APBB2: variants seen among roughly 807,000 people sequenced by gnomAD.
The protein encoded by APBB2 is amyloid beta precursor protein binding family B member 2.
In APBB2, 38 loss-of-function variants were observed where a neutral mutation model predicts 82.5. The observed-to-expected ratio is 0.46, with a 90% CI of 0.36 to 0.60. The LOEUF (loss-of-function observed/expected upper bound fraction) is 0.60, where lower values mean the gene tolerates loss of function less well. Ranked by LOEUF, APBB2 falls within the 20% of genes least tolerant of loss-of-function variation. The probability of loss-of-function intolerance (pLI) is 0.00; values close to 1 mark genes in which losing one functional copy is unlikely to be tolerated. For missense variants in APBB2, 772 were observed against 972.3 expected (o/e 0.79, Z 2.74); for synonymous variants, 341 against 368.2 (o/e 0.93, Z 0.85).
chr4:41,017,937 A>C (rs1292867598), intron 5 of APBB2, among the ~76,000 whole-genome samples: 1 of 152,254 alleles, frequency 6.6e-6, no homozygotes, highest in Non-Finnish European at 1.5e-5. Context: ...TCTAATATTT[A>C]ACTGTTTTCT....
chr4:41,147,122 G>T (rs1042358820), intron 1 of APBB2, among the ~76,000 whole-genome samples: 1 of 152,174 alleles, frequency 6.6e-6, no homozygotes, highest in Admixed American at 6.5e-5. Flanking sequence ...CAGGCAAACG[G>T]AATCAGGGTC....
In APBB2 at chr4:41,092,318, T is replaced by C. The variant is rs1742011269; in HGVS notation, c.-149+8321A>G. Among the ~76,000 whole-genome samples the C allele has an allele frequency of 2.6e-5, 4 of 152,254 alleles. 1 individual carries two copies. Among genetic ancestry groups the C allele is most frequent in the Admixed American group, 2.6e-4 (4 of 15,290 alleles). ...CAGCTTACAGCAGACTGAAGCTTTC[T>C]TGCAGGAATCACATAATGGGTGGAG... On this transcript the variant is annotated intron_variant, in intron 3 of 17. Coordinates refer to ENST00000508593, the MANE Select transcript of APBB2 (RefSeq NM_004307.2).
chr4:41,111,145 G>T (rs1749063906), intron 2 of APBB2, among the ~76,000 whole-genome samples: 1 of 152,178 alleles, frequency 6.6e-6, no homozygotes, highest in African/African-American at 2.4e-5. Flanking sequence ...TCTGACAGGA[G>T]GCGGAGCTCA....
intron 17 of APBB2, among the ~76,000 whole-genome samples, chr4:40,820,997 T>C (rs150846907): frequency 8.6e-5 from 13 of 152,008 alleles, no homozygotes; most frequent in African/African-American, 2.4e-4. Flanking sequence ...GCCTCCCGAG[T>C]AGCTGGGATT....
intron 6 of APBB2, among the ~76,000 whole-genome samples, chr4:40,957,292 T>C (rs1791891612): frequency 6.6e-6 from 1 of 152,182 alleles, no homozygotes; most frequent in Admixed American, 6.6e-5. Flanking sequence ...AAAAATATGA[T>C]TTCTGAGAGT....
At chr4:41,151,377 T>C (rs893329872) in intron 1 of APBB2, among the ~76,000 whole-genome samples, 1 of 152,200 alleles carries the variant, frequency 6.6e-6, no homozygotes, top group Non-Finnish European at 1.5e-5. Context: ...ACACGTGCCT[T>C]GAAATGCAGC....
At position 40,813,347 on chromosome 4, in the gene APBB2, T is replaced by C. The variant is rs1030756078; in HGVS notation, c.*2745A>G. The C allele has an allele frequency of 1.3e-5, 2 of 152,218 alleles. No individual in the cohort carries two copies. The highest frequency in any genetic ancestry group is 2.1e-4 in the South Asian group (1 of 4,832). The allele number at this position is 152,218 out of a possible 1,614,324, so 9.4% of individuals were successfully genotyped here. A position where few individuals can be genotyped will look rare whatever the true frequency, so the allele number is the denominator to read the frequency against. ...GTATTTAACAGGTTAATTAAAAATA[T>C]GGTAAGACATAGAAGGCATCGTGAA... On this transcript the variant is annotated 3_prime_UTR_variant, in exon 18 of 18. Coordinates refer to ENST00000508593, the MANE Select transcript of APBB2 (RefSeq NM_004307.2).
At chr4:41,181,960 A>G (rs1334932089) in intron 1 of APBB2, among the ~76,000 whole-genome samples, 2 of 145,604 alleles carry the variant, frequency 1.4e-5, no homozygotes, top group African/African-American at 5.2e-5. Flanking sequence ...AAAAAAAAAA[A>G]AGAAAAAGAA....
intron 10 of APBB2, among the ~76,000 whole-genome samples, chr4:40,918,150 T>C (rs1317763351): frequency 6.6e-6 from 1 of 152,244 alleles, no homozygotes; most frequent in Non-Finnish European, 1.5e-5. Flanking sequence ...ATCCCAGTGC[T>C]GGCCAAACCA....
intron 4 of APBB2, among the ~76,000 whole-genome samples, chr4:41,041,743 T>C (rs1010018447): frequency 3.9e-5 from 6 of 152,160 alleles, no homozygotes; most frequent in African/African-American, 1.4e-4. Flanking sequence ...GTTCTCCAAG[T>C]GAGATTTCAA....
chr4:40,890,161 T>G, intron 12 of APBB2: 1 of 626,782 alleles, frequency 1.6e-6, no homozygotes, highest in Non-Finnish European at 2.5e-6. Context: ...TGACAAAAGA[T>G]TTGAGATACA....
intron 10 of APBB2, among the ~76,000 whole-genome samples, chr4:40,918,705 C>CCTTCCTTCCTTCTTTCGGACGA (rs1780470325): frequency 7.2e-6 from 1 of 139,788 alleles, no homozygotes; most frequent in South Asian, 2.1e-4. Flanking sequence ...CGGACGACTT[C>CCTTCCTTCCTTCTTTCGGACGA]CTTCCTTCCT....
At chr4:40,886,431 G>T (rs895030152) in intron 12 of APBB2, among the ~76,000 whole-genome samples, 9 of 152,198 alleles carry the variant, frequency 5.9e-5, no homozygotes, top group Non-Finnish European at 1.2e-4. Context: ...AGTGAATTGA[G>T]ATTGCACCAT....
In APBB2 at chr4:40,821,755, C is replaced by T. The variant is rs140989107; in HGVS notation, c.2112+116G>A. On this transcript the variant is annotated intron_variant, in intron 17 of 17. Transcript: ENST00000508593. ...GGAATGACGGCGTTATAAAGTAAAG[C>T]ATTACTTTAGGGATTCGACTTTTTT... 4.0e-4 allele frequency: 479 copies of T among 1,192,738 alleles called. 1 individual carries two copies. The African/African-American group carries it at 6.8e-3, about 17-fold the overall frequency. 73.9% of individuals were successfully genotyped at this position (1,192,738 alleles called of 1,614,324 possible).
intron 12 of APBB2, among the ~76,000 whole-genome samples, chr4:40,870,284 G>A (rs1031594007): frequency 3.3e-5 from 5 of 152,216 alleles, no homozygotes; most frequent in Non-Finnish European, 1.5e-5. Context: ...AGGGCAGAGT[G>A]AGGGGCAGCG....
At chr4:41,099,233 TTG>T (rs1744536755) in intron 3 of APBB2, among the ~76,000 whole-genome samples, 1 of 152,186 alleles carries the variant, frequency 6.6e-6, no homozygotes. Context: ...TATATGGTTT[TTG>T]TGTTTTTTTT....
intron 10 of APBB2, among the ~76,000 whole-genome samples, chr4:40,924,465 G>A (rs1393032321): frequency 1.3e-5 from 2 of 152,132 alleles, no homozygotes; most frequent in East Asian, 1.9e-4. Context: ...AACAGAATAC[G>A]GTGGAAGTGA....
At chr4:40,831,790 C>T (rs575201418) in intron 12 of APBB2, among the ~76,000 whole-genome samples, 3 of 152,196 alleles carry the variant, frequency 2.0e-5, no homozygotes, top group Non-Finnish European at 4.4e-5. Flanking sequence ...GCGACGGCAG[C>T]GGCGGCACAT....
At chr4:40,956,298 TTCC>T (rs1027800688) in intron 6 of APBB2, among the ~76,000 whole-genome samples, 2 of 151,914 alleles carry the variant, frequency 1.3e-5, no homozygotes, top group Non-Finnish European at 2.9e-5. Context: ...TTGCTGAGGG[TTCC>T]AGGCAGCAAA....
Sources: allele counts gnomAD v4.1 joint callset (sites outside exome capture counted in the v4.1 genomes callset), GRCh38; gene constraint gnomAD v4.1.1; transcripts MANE v1.5; gene names NCBI Gene and HGNC (gene_info 2026-07-23, HGNC 2026-07-21).